PCDHA12: variants seen among roughly 807,000 people sequenced by gnomAD.
The protein encoded by PCDHA12 is protocadherin alpha 12.
A neutral mutation model predicts 60.0 loss-of-function variants in PCDHA12; 44 were observed. The ratio of observed to expected loss-of-function variants is 0.73; its 90% CI spans 0.58 to 0.94. PCDHA12 has a LOEUF of 0.94. Among genes scored for constraint, PCDHA12 ranks in the 40% least tolerant of loss-of-function variants. The pLI is 0.00. For synonymous variants in PCDHA12, 569 were observed against 553.0 expected (o/e 1.03, Z -0.40); for missense variants, 1,276 against 1,239.7 (o/e 1.03, Z -0.44).
At chr5:140,904,270 G>A (rs374052783) in intron 1 of PCDHA12, among the ~76,000 whole-genome samples, 3 of 152,068 alleles carry the variant, frequency 2.0e-5, no homozygotes, top group East Asian at 3.9e-4. Context: ...ACTTATGAAT[G>A]AGAACATGTG....
intron 1 of PCDHA12, among the ~76,000 whole-genome samples, chr5:140,960,334 T>C (rs902345282): frequency 6.6e-6 from 1 of 152,182 alleles, no homozygotes; most frequent in African/African-American, 2.4e-5. Context: ...GAGAAGTACA[T>C]GAGGTGAGAT....
intron 1 of PCDHA12, among the ~76,000 whole-genome samples, chr5:140,954,333 G>C (rs1554221356): frequency 1.3e-5 from 2 of 152,140 alleles, no homozygotes; most frequent in African/African-American, 4.8e-5. Flanking sequence ...TGGTATTTCT[G>C]CCTCTAGATC....
intron 1 of PCDHA12, chr5:140,930,248 C>T (rs2086692121): frequency 1.3e-5 from 2 of 152,178 alleles, no homozygotes; most frequent in South Asian, 4.1e-4. Flanking sequence ...GTCCATTCAA[C>T]TTGGATTTAA....
rs1197047985 is a variant in PCDHA12, at chr5:140,875,738, G to A, written c.266G>A (p.Arg89Gln). The change falls in exon 1 of 4, where the codon CGG becomes CAG. Residue 89 changes from arginine (R) to glutamine (Q), a missense_variant. Transcript: ENST00000398631. ...AATGGCATTTTGTTTGTGAATTCTCGGATCGACCGCGAGAAGCTGTGCGGG... is the reference window on the plus strand; with the variant it reads ...AATGGCATTTTGTTTGTGAATTCTCAGATCGACCGCGAGAAGCTGTGCGGG... ...LQNGILFVNS[R>Q]IDREKLCGRS... 2 of 1,614,204 alleles carry A rather than the reference G, an allele frequency of 1.2e-6. No homozygotes were observed. The highest frequency in any genetic ancestry group is 1.7e-6 in the Non-Finnish European group (2 of 1,180,036).
chr5:140,983,444 TC>T (rs1554245415), intron 3 of PCDHA12, among the ~76,000 whole-genome samples: 1 of 152,224 alleles, frequency 6.6e-6, no homozygotes. Context: ...TCTACTCTAA[TC>T]CTCTATTAAT....
chr5:140,978,875 T>A, intron 1 of PCDHA12, 74 bp from the exon 2 acceptor site: 2 of 1,609,316 alleles, frequency 1.2e-6, no homozygotes, highest in Non-Finnish European at 1.7e-6. Flanking sequence ...AGGGAGTAAC[T>A]AATCAATTAG....
chr5:140,983,005 A>AAAGG (rs1223217874), intron 3 of PCDHA12, among the ~76,000 whole-genome samples: 11 of 152,228 alleles, frequency 7.2e-5, no homozygotes, highest in African/African-American at 2.4e-4. Flanking sequence ...AAAGAAAGAA[A>AAAGG]AAGGAAGGAA....
chr5:140,884,821 G>T (rs1470699415), intron 1 of PCDHA12: 1 of 1,011,638 alleles, frequency 9.9e-7, no homozygotes, highest in Admixed American at 3.4e-5. Context: ...TGGACATTAT[G>T]TGTTGGATTA....
At chr5:140,981,692 T>C (rs1168412872) in intron 2 of PCDHA12, among the ~76,000 whole-genome samples, 1 of 150,826 alleles carries the variant, frequency 6.6e-6, no homozygotes, top group Non-Finnish European at 1.5e-5. Flanking sequence ...CTTCCATCAT[T>C]CATTCATTCA....
At chr5:140,941,401 C>T (rs1200707950) in intron 1 of PCDHA12, among the ~76,000 whole-genome samples, 1 of 149,796 alleles carries the variant, frequency 6.7e-6, no homozygotes, top group Non-Finnish European at 1.5e-5. Flanking sequence ...ACTGCAACCT[C>T]CGCCTCCCGG....
At chr5:140,883,890 G>T (rs2153398485) in intron 1 of PCDHA12, 1 of 1,613,462 alleles carries the variant, frequency 6.2e-7, no homozygotes, top group Non-Finnish European at 8.5e-7. Context: ...CGCGACTCTG[G>T]CGTGCCGCCT....
chr5:140,884,304 C>T (rs1562802468), intron 1 of PCDHA12: 1 of 1,613,710 alleles, frequency 6.2e-7, no homozygotes, highest in East Asian at 2.2e-5. Context: ...CCACAGGCTT[C>T]GTCGAGGGCG....
rs957879450 is a variant in PCDHA12, at chr5:140,876,174, T to G, written c.702T>G (p.Asp234Glu). 2 of 1,613,816 alleles carry G rather than the reference T, an allele frequency of 1.2e-6. No homozygotes were observed. Among genetic ancestry groups the G allele is most frequent in the African/African-American group, 2.7e-5 (2 of 74,902 alleles). ...TCCAGATTCAAATAACCGTCCTGGA[T>G]GTGAATGACAATGGTCCGGCGTTTG... Reference protein sequence around the residue: ...GSVQIQITVLDVNDNGPAFDK... With the variant: ...GSVQIQITVLEVNDNGPAFDK... The change falls in exon 1 of 4, where the codon GAT becomes GAG. Residue 234 changes from aspartate to glutamate, a missense_variant. Transcript: ENST00000398631.
At chr5:140,884,293 G>A in intron 1 of PCDHA12, 2 of 1,613,666 alleles carry the variant, frequency 1.2e-6, no homozygotes, top group Non-Finnish European at 1.7e-6. Flanking sequence ...GCGGCCAAGC[G>A]CCACAGGCTT....
chr5:140,904,552 T>C (rs1233525886), intron 1 of PCDHA12, among the ~76,000 whole-genome samples: 1 of 152,084 alleles, frequency 6.6e-6, no homozygotes, highest in Non-Finnish European at 1.5e-5. Flanking sequence ...TTTCATATAA[T>C]GACTTTTTTT....
chr5:140,945,079 T>C (rs1554216701), intron 1 of PCDHA12, among the ~76,000 whole-genome samples: 1 of 152,126 alleles, frequency 6.6e-6, no homozygotes, highest in South Asian at 2.1e-4. Context: ...ACCAAAACAC[T>C]CTTGGAACTA....
At position 141,010,411 on chromosome 5, in the gene PCDHA12, G is replaced by A. The variant is rs1215041869; in HGVS notation, c.*474G>A. On this transcript the variant is annotated 3_prime_UTR_variant, in exon 4 of 4. Coordinates refer to ENST00000398631, the MANE Select transcript of PCDHA12 (RefSeq NM_018903.4). Reference sequence around the variant, plus strand: ...TGAGACGAGCCAGCTTAGACTAATTGGTACAAGGAAGGCAAGAAAACAAAG... The same window carrying A: ...TGAGACGAGCCAGCTTAGACTAATTAGTACAAGGAAGGCAAGAAAACAAAG... The A allele has an allele frequency of 8.2e-7, 1 of 1,224,354 alleles. No individual in the cohort carries two copies. Among genetic ancestry groups the A allele is most frequent in the Admixed American group, 2.9e-5 (1 of 35,038 alleles). 75.8% of individuals were successfully genotyped at this position (1,224,354 alleles called of 1,614,324 possible).
chr5:140,883,606 C>T (rs782093980), intron 1 of PCDHA12: 1 of 1,613,942 alleles, frequency 6.2e-7, no homozygotes, highest in South Asian at 1.1e-5. Flanking sequence ...TGGGGGTGGC[C>T]GACGTGAACG....
chr5:140,887,802 T>A (rs2061588161), intron 1 of PCDHA12, among the ~76,000 whole-genome samples: 1 of 152,198 alleles, frequency 6.6e-6, no homozygotes, highest in Non-Finnish European at 1.5e-5. Context: ...TTTATTTTTG[T>A]CCATTTCTTT....
Sources: gnomAD v4.1 joint callset for allele counts (sites outside exome capture counted in the v4.1 genomes callset) on GRCh38, gnomAD v4.1.1 for gene constraint, MANE v1.5 for transcripts, NCBI Gene and HGNC (gene_info 2026-07-23, HGNC 2026-07-21) for gene names.